RGL3: variants seen among roughly 807,000 people sequenced by gnomAD.
RGL3 encodes the protein ral guanine nucleotide dissociation stimulator like 3, also known as ral guanine nucleotide dissociation stimulator-like 3.
In RGL3, 85 loss-of-function variants were observed where a neutral mutation model predicts 90.6. The ratio of observed to expected loss-of-function variants is 0.94; its 90% CI spans 0.79 to 1.12. The LOEUF is 1.12. Among genes scored for constraint, RGL3 ranks in the 50% most tolerant of loss-of-function variants. The probability of loss-of-function intolerance (pLI) is 0.00; values close to 1 mark genes in which losing one functional copy is unlikely to be tolerated. For synonymous variants in RGL3, 408 were observed against 385.5 expected (o/e 1.06, Z -0.68); for missense variants, 1,034 against 939.2 (o/e 1.10, Z -1.32).
intron 11 of RGL3, 48 bp downstream of exon 11, chr19:11,402,407 T>G: frequency 6.3e-7 from 1 of 1,577,260 alleles, no homozygotes; most frequent in Non-Finnish European, 8.6e-7. Flanking sequence ...CCCATTGTGC[T>G]GGGGGCAAGT....
intron 2 of RGL3, 30 bp downstream of exon 2, chr19:11,418,641 C>A: frequency 1.3e-6 from 2 of 1,506,668 alleles, no homozygotes; most frequent in Non-Finnish European, 1.8e-6. Context: ...CGCTTCCGGC[C>A]CCGCGCCACC....
chr19:11,417,146 CTTTTTTTTTTTGT>C (rs1458941975), intron 2 of RGL3, 87 bp from the exon 3 acceptor site: 1 of 594,766 alleles, frequency 1.7e-6, no homozygotes, highest in Non-Finnish European at 2.5e-6. Context: ...TAGCACCACT[CTTTTTTTTTTTGT>C]TTTTTTTTTT....
intron 13 of RGL3, 88 bp from the exon 14 acceptor site, chr19:11,400,385 T>C: frequency 8.1e-7 from 1 of 1,240,976 alleles, no homozygotes; most frequent in Non-Finnish European, 1.1e-6. Flanking sequence ...GGAGGTGGGT[T>C]TGGGGTGTAA....
At chr19:11,413,994 C>T (rs1299169780) in intron 5 of RGL3, among the ~76,000 whole-genome samples, 1 of 149,138 alleles carries the variant, frequency 6.7e-6, no homozygotes, top group Non-Finnish European at 1.5e-5. Context: ...GATCCGCCCC[C>T]GTCGGCCTCC....
Position 11,416,125 on chromosome 19 carries a change from G to A in RGL3, c.449C>T (p.Ser150Phe). Residue 150 changes from serine to phenylalanine, a missense_variant, in exon 5 of 19, where the codon TCC becomes TTC. Coordinates refer to ENST00000380456, the MANE Select transcript of RGL3 (RefSeq NM_001035223.4). Reference sequence around the variant, plus strand: ...ATCCTGAGGGTGGTCCTGCAGCCAGGAGCCCAGCACTGACACCACAGCCCT... The same window carrying A: ...ATCCTGAGGGTGGTCCTGCAGCCAGAAGCCCAGCACTGACACCACAGCCCT... The part of the protein sequence containing the change: ...NLRAVVSVLG[S>F]WLQDHPQDFR... 1 of 1,588,826 alleles carries A rather than the reference G, an allele frequency of 6.3e-7. No homozygotes were observed. Among genetic ancestry groups the A allele is most frequent in the Non-Finnish European group, 8.6e-7 (1 of 1,168,490 alleles).
intron 1 of RGL3, chr19:11,418,999 G>A (rs1054367974): frequency 1.4e-5 from 9 of 625,814 alleles, no homozygotes; most frequent in Non-Finnish European, 2.5e-5. Context: ...GGCATTTGGG[G>A]ATGTCCCAGG....
At chr19:11,408,307 C>T (rs548204301) in intron 5 of RGL3, among the ~76,000 whole-genome samples, 5 of 152,300 alleles carry the variant, frequency 3.3e-5, no homozygotes, top group Admixed American at 6.5e-5. Context: ...TGCTGCCGGG[C>T]GCTGTGGCTC....
At chr19:11,396,412 C>T (rs956126927) in intron 18 of RGL3, among the ~76,000 whole-genome samples, 32 of 151,094 alleles carry the variant, frequency 2.1e-4, no homozygotes, top group African/African-American at 6.6e-4. Context: ...TCAAGTGATC[C>T]ACCCGCTTTG....
rs201372005 is a variant in RGL3 at position 11,402,253 on chromosome 19, G to A, written c.1330-6C>T. ...TCAAAGTTAATGAGATCCCCCTGGG[G>A]GCAAAGTGTGTCTGAATTGCAGCAC... On this transcript the variant is annotated splice_region_variant and splice_polypyrimidine_tract_variant and intron_variant, in intron 11 of 18. Coordinates refer to ENST00000380456, the MANE Select transcript of RGL3 (RefSeq NM_001035223.4). The A allele has an allele frequency of 1.9e-6, 3 of 1,613,354 alleles. No individual in the cohort carries two copies. The highest frequency in any genetic ancestry group is 2.5e-6 in the Non-Finnish European group (3 of 1,179,974).
rs553066320 is a variant in RGL3 at position 11,397,837 on chromosome 19, C to T, written c.1747-240G>A. On this transcript the variant is annotated intron_variant, in intron 16 of 18. Transcript: ENST00000380456. ...CAGCCTGGCCAACGTGGTGAAACTC[C>T]GTCTCTACTAAAAATACAAAAATTA... 3.1e-3 allele frequency: 974 copies of T among 311,684 alleles called. 4 individuals are homozygous for T. Among genetic ancestry groups the T allele is most frequent in the Non-Finnish European group, 4.8e-3 (818 of 169,184 alleles). The allele number at this position is 311,684 out of a possible 1,614,324, so 19.3% of individuals were successfully genotyped here. A position where few individuals can be genotyped will look rare whatever the true frequency, so the allele number is the denominator to read the frequency against.
intron 18 of RGL3, among the ~76,000 whole-genome samples, chr19:11,395,384 C>T (rs1212986630): frequency 6.6e-6 from 1 of 152,204 alleles, no homozygotes; most frequent in Admixed American, 6.6e-5. Context: ...CGCTCAATCC[C>T]TTGCTTCTCC....
chr19:11,399,752 G>A (rs904321153), intron 16 of RGL3, 103 bp downstream of exon 16: 2 of 645,076 alleles, frequency 3.1e-6, no homozygotes, highest in Non-Finnish European at 5.0e-6. Context: ...TACACTCCTG[G>A]CCCCACAATC....
intron 2 of RGL3, among the ~76,000 whole-genome samples, chr19:11,417,408 C>T (rs1247873114): frequency 1.3e-5 from 2 of 151,384 alleles, no homozygotes; most frequent in Non-Finnish European, 2.9e-5. Context: ...CCTTGGCCTC[C>T]CAAAGTCTCC....
Position 11,412,359 on chromosome 19 carries a change from G to A in RGL3, c.637+3578C>T, listed in dbSNP as rs969846758. Among the ~76,000 whole-genome samples the A allele has an allele frequency of 4.0e-5, 6 of 151,590 alleles. No individual in the cohort carries two copies. The East Asian group carries it at 5.8e-4, about 15-fold the overall frequency. Reference sequence around the variant, plus strand: ...TTTATGTATGAATTGACATAAGCCCGGGATTTGTTTTAAAATCATCCTGAA... The same window carrying A: ...TTTATGTATGAATTGACATAAGCCCAGGATTTGTTTTAAAATCATCCTGAA... On this transcript the variant is annotated intron_variant, in intron 5 of 18. Transcript: ENST00000380456.
intron 3 of RGL3, 55 bp downstream of exon 3, chr19:11,416,781 G>T (rs1419022767): frequency 6.2e-7 from 1 of 1,601,266 alleles, no homozygotes. Flanking sequence ...GTGGAGGGGG[G>T]TGCCCAGTTG....
chr19:11,397,643 A>T (rs1380986423), intron 16 of RGL3, 46 bp from the exon 17 acceptor site: 2 of 1,474,564 alleles, frequency 1.4e-6, no homozygotes, highest in South Asian at 2.6e-5. Flanking sequence ...CCATCTGCAG[A>T]TGCTGAGGGC....
At position 11,405,353 on chromosome 19, in the gene RGL3, C is replaced by CG. The variant is rs924028357; in HGVS notation, c.1069dup (p.Arg357ProfsTer27). On this transcript the variant is annotated frameshift_variant, in exon 8 of 19. Transcript: ENST00000380456. LOFTEE classifies it high-confidence loss of function. ...CACTGCCCCCCAGCTGCGCTTGAGC[C>CG]GGTAGATGGGGTTAGATTGCAGGGC... 1.1e-5 allele frequency: 17 copies of CG among 1,612,710 alleles called. No individual in the cohort carries two copies. In the African/African-American group the frequency reaches 2.1e-4, roughly 20 times the overall value.
chr19:11,413,933 A>G (rs999409728), intron 5 of RGL3, among the ~76,000 whole-genome samples: 9 of 148,212 alleles, frequency 6.1e-5, no homozygotes, highest in African/African-American at 2.2e-4. Context: ...TTTTTAGTAG[A>G]GACGGGGTTT....
intron 18 of RGL3, among the ~76,000 whole-genome samples, chr19:11,396,403 C>T (rs1249079599): frequency 1.3e-5 from 2 of 150,444 alleles, no homozygotes. Flanking sequence ...CTCCTGACCT[C>T]AAGTGATCCA....
Sources: allele counts gnomAD v4.1 joint callset (sites outside exome capture counted in the v4.1 genomes callset), GRCh38; gene constraint gnomAD v4.1.1; transcripts MANE v1.5; gene names NCBI Gene and HGNC (gene_info 2026-07-23, HGNC 2026-07-21).